RASGEF1A: variants seen among roughly 807,000 people sequenced by gnomAD.
RASGEF1A encodes RasGEF domain family member 1A.
RASGEF1A carries 18 observed loss-of-function variants against 56.4 expected under a neutral mutation model. That is an observed-to-expected ratio of 0.32 (90% CI 0.22 to 0.47). The LOEUF (loss-of-function observed/expected upper bound fraction) is 0.47, where lower values mean the gene tolerates loss of function less well. Ranked by LOEUF, RASGEF1A falls within the 20% of genes least tolerant of loss-of-function variation. The pLI is 1.00. For missense variants in RASGEF1A, 422 were observed against 627.1 expected, an observed-to-expected ratio of 0.67 and a Z score of 3.49; for synonymous variants, 245 against 242.6, an observed-to-expected ratio of 1.01 and a Z score of -0.09.
chr10:43,205,528 G>C (rs971367226), intron 2 of RASGEF1A, among the ~76,000 whole-genome samples: 36 of 152,250 alleles, frequency 2.4e-4, no homozygotes, highest in Admixed American at 3.9e-4. Flanking sequence ...TGGGCTCCAG[G>C]ACCTCGGCTG....
At chr10:43,203,805 G>A (rs1256533210) in intron 2 of RASGEF1A, 7 of 1,026,044 alleles carry the variant, frequency 6.8e-6, no homozygotes, top group Non-Finnish European at 7.0e-6. Context: ...CTCGTGGGCC[G>A]AGCTGGAGGT....
At chr10:43,207,484 T>C (rs1362332110) in intron 1 of RASGEF1A, 1 of 984,756 alleles carries the variant, frequency 1.0e-6, no homozygotes, top group Non-Finnish European at 1.2e-6. Context: ...AAAGAGCATC[T>C]GGCCCAGACG....
At position 43,261,374 on chromosome 10, in the gene RASGEF1A, C is replaced by G. The variant is rs528484444; in HGVS notation, c.-7+5471G>C. On this transcript the variant is annotated intron_variant, in intron 1 of 12. Coordinates refer to ENST00000395810, the MANE Select transcript of RASGEF1A (RefSeq NM_145313.4). ...CACGGGGCATAGAAGGCCCTGTCCC[C>G]GTAGCGGGGCTGAGCAGGAAGGGCC... Among the ~76,000 whole-genome samples, 363 of 152,284 alleles carry G rather than the reference C, an allele frequency of 2.4e-3. 1 individual carries two copies. The highest frequency in any genetic ancestry group is 4.1e-3 in the Non-Finnish European group (281 of 68,018).
intron 1 of RASGEF1A, among the ~76,000 whole-genome samples, chr10:43,240,876 C>T (rs1398870218): frequency 6.6e-6 from 1 of 152,090 alleles, no homozygotes; most frequent in Non-Finnish European, 1.5e-5. Context: ...CAACAAACTC[C>T]AGGTAGATTT....
chr10:43,246,294 T>A (rs926686218), intron 1 of RASGEF1A, among the ~76,000 whole-genome samples: 2 of 152,176 alleles, frequency 1.3e-5, no homozygotes, highest in African/African-American at 2.4e-5. Flanking sequence ...CATCCCATGT[T>A]CATGGATTGT....
At chr10:43,207,340 G>A (rs1840009818) in intron 1 of RASGEF1A, 4 of 986,080 alleles carry the variant, frequency 4.1e-6, no homozygotes, top group South Asian at 4.7e-5. Context: ...CCTCTGCCCT[G>A]TAGGGGCCTT....
intron 2 of RASGEF1A, chr10:43,203,624 G>T (rs1839946906): frequency 1.7e-6 from 2 of 1,200,652 alleles, no homozygotes; most frequent in African/African-American, 1.6e-5. Flanking sequence ...AGGAGGCACG[G>T]CTCGAGCCCC....
At chr10:43,233,930 G>A (rs575563161) in intron 1 of RASGEF1A, among the ~76,000 whole-genome samples, 38 of 152,290 alleles carry the variant, frequency 2.5e-4, no homozygotes, top group African/African-American at 7.0e-4. Context: ...GCTCCAGGCC[G>A]AGGATAACCC....
At chr10:43,246,996 G>C (rs61845683) in intron 1 of RASGEF1A, among the ~76,000 whole-genome samples, 7 of 152,140 alleles carry the variant, frequency 4.6e-5, no homozygotes, top group African/African-American at 1.7e-4. Flanking sequence ...CCCTCAGAAT[G>C]GGAGAAAATA....
intron 1 of RASGEF1A, chr10:43,207,500 G>T: frequency 1.0e-6 from 1 of 984,838 alleles, no homozygotes; most frequent in Non-Finnish European, 1.2e-6. Flanking sequence ...AGACGTCACT[G>T]GTTTTCCCAC....
At chr10:43,228,713 C>A (rs1028450655) in intron 1 of RASGEF1A, among the ~76,000 whole-genome samples, 2 of 152,240 alleles carry the variant, frequency 1.3e-5, no homozygotes, top group Non-Finnish European at 2.9e-5. Context: ...CTTCTCTAGC[C>A]CTCAGCACCA....
chr10:43,239,792 C>A (rs866347372), intron 1 of RASGEF1A, among the ~76,000 whole-genome samples: 1 of 152,208 alleles, frequency 6.6e-6, no homozygotes, highest in South Asian at 2.1e-4. Context: ...TTTGACCTGA[C>A]TCAGAGGTCT....
intron 1 of RASGEF1A, among the ~76,000 whole-genome samples, chr10:43,248,872 A>G (rs1840595746): frequency 6.7e-6 from 1 of 148,856 alleles, no homozygotes; most frequent in Non-Finnish European, 1.5e-5. Flanking sequence ...ATGAAGCATA[A>G]ATGGTCAAGG....
intron 1 of RASGEF1A, among the ~76,000 whole-genome samples, chr10:43,260,386 C>T (rs954589106): frequency 1.3e-5 from 2 of 152,218 alleles, no homozygotes; most frequent in African/African-American, 2.4e-5. Context: ...CCCCTGACAG[C>T]GTCCCCGGTT....
chr10:43,208,124 A>C (rs980717930), intron 1 of RASGEF1A: 1 of 985,492 alleles, frequency 1.0e-6, no homozygotes, highest in Middle Eastern at 5.2e-4. Context: ...TCTGAGGCCA[A>C]TGCACTGTGG....
intron 4 of RASGEF1A, 50 bp downstream of exon 4, chr10:43,201,758 G>A (rs1839902156): frequency 1.4e-6 from 2 of 1,471,294 alleles, no homozygotes; most frequent in Non-Finnish European, 1.8e-6. Flanking sequence ...CCCGAGGGCA[G>A]ACCCTGGCAC....
chr10:43,238,173 G>C (rs1840457432), intron 1 of RASGEF1A, among the ~76,000 whole-genome samples: 1 of 35,202 alleles, frequency 2.8e-5, no homozygotes. Context: ...CTGCCCCTCA[G>C]GAGGGTTAGC....
At chr10:43,203,536 GC>G in intron 2 of RASGEF1A, 116 bp from the exon 3 acceptor site, 1 of 1,407,600 alleles carries the variant, frequency 7.1e-7, no homozygotes, top group African/African-American at 1.5e-5. Flanking sequence ...CGGTCCCGAG[GC>G]CATGCCTTCA....
chr10:43,230,610 A>T (rs1356080911), intron 1 of RASGEF1A, among the ~76,000 whole-genome samples: 1 of 152,130 alleles, frequency 6.6e-6, no homozygotes, highest in East Asian at 1.9e-4. Context: ...GCCGCTAGGG[A>T]GGAGCAGGGT....
Sources: allele counts gnomAD v4.1 joint callset (sites outside exome capture counted in the v4.1 genomes callset), GRCh38; gene constraint gnomAD v4.1.1; transcripts MANE v1.5; gene names NCBI Gene and HGNC (gene_info 2026-07-23, HGNC 2026-07-21).